Variants in HNRNPH1 observed in about 807,000 individuals in gnomAD.
HNRNPH1 encodes the protein heterogeneous nuclear ribonucleoprotein H.
A neutral mutation model predicts 58.6 loss-of-function variants in HNRNPH1; 4 were observed. The observed-to-expected ratio is 0.07, with a 90% CI of 0.03 to 0.16. The LOEUF is 0.16. HNRNPH1 is among the 10% of genes least tolerant of loss of function. HNRNPH1 has a pLI of 1.00. For synonymous variants in HNRNPH1, 192 were observed against 189.2 expected (o/e 1.01, Z -0.12); for missense variants, 271 against 564.2 (o/e 0.48, Z 5.26).
At chr5:179,619,142 A>G (rs1771149299) in intron 4 of HNRNPH1, 127 bp downstream of exon 5, 1 of 856,328 alleles carries the variant, frequency 1.2e-6, no homozygotes, top group Non-Finnish European at 1.8e-6. Flanking sequence ...ACAAGTTTGG[A>G]AATCATGGCA....
intron 11 of HNRNPH1, 134 bp downstream of exon 12, chr5:179,615,992 T>A: frequency 1.4e-6 from 1 of 717,980 alleles, no homozygotes; most frequent in Non-Finnish European, 2.5e-6. Context: ...GGAGCCTGCA[T>A]CTTCCCAACT....
At chr5:179,615,963 T>TA (rs1769359744) in intron 11 of HNRNPH1, 163 bp downstream of exon 12, 1 of 614,768 alleles carries the variant, frequency 1.6e-6, no homozygotes, top group Middle Eastern at 2.8e-4. Flanking sequence ...ATACATTTCA[T>TA]AACCCAATTT....
At chr5:179,618,368 CATT>C in intron 4 of HNRNPH1, 45 bp from the exon 6 acceptor site, 2 of 1,342,594 alleles carry the variant, frequency 1.5e-6, no homozygotes, top group Non-Finnish European at 2.1e-6. Flanking sequence ...GGAGAGAAAA[CATT>C]AGTTCATTTT....
chr5:179,618,405 A>T, intron 4 of HNRNPH1, 82 bp from the exon 6 acceptor site: 1 of 951,224 alleles, frequency 1.1e-6, no homozygotes, highest in Non-Finnish European at 1.6e-6. Flanking sequence ...GTTATACAAG[A>T]AAACAATCTA....
At chr5:179,617,805 A>T (rs1770524479) in exon 7 of HNRNPH1, 1 of 1,613,858 alleles carries the variant, frequency 6.2e-7, no homozygotes, top group Non-Finnish European at 8.5e-7. Context: ...TTACATTATA[A>T]ATGTCATTCT....
At chr5:179,616,071 TAATG>T (rs1406054729) in intron 11 of HNRNPH1, 51 bp downstream of exon 12, 5 of 1,424,634 alleles carry the variant, frequency 3.5e-6, no homozygotes, top group Admixed American at 1.7e-5. Context: ...CTAAGTACAG[TAATG>T]AACAGGCTTT....
chr5:179,615,171 C>A, intron 12 of HNRNPH1: 1 of 495,000 alleles, frequency 2.0e-6, no homozygotes, highest in Non-Finnish European at 3.6e-6. Context: ...GACTCTTGTG[C>A]TACCATTTTA....
At chr5:179,623,225 C>A (rs1174139076) in exon 1 of HNRNPH1, 5 of 883,688 alleles carry the variant, frequency 5.7e-6, no homozygotes, top group Admixed American at 4.4e-5. Context: ...GCCTCCGAGG[C>A]GCGCCCGGGC....
At chr5:179,618,770 G>GGTAA (rs1199967751) in intron 4 of HNRNPH1, 1 of 161,628 alleles carries the variant, frequency 6.2e-6, no homozygotes, top group African/African-American at 2.4e-5. Flanking sequence ...AATCAGCATA[G>GGTAA]GTAAGCGCAT....
chr5:179,616,661 CTACT>C, intron 10 of HNRNPH1: 3 of 582,152 alleles, frequency 5.2e-6, no homozygotes, highest in South Asian at 2.3e-5. Context: ...TCCCCCAAGA[CTACT>C]TAAACCTAAT....
At chr5:179,618,912 AAAC>A (rs1215323455) in intron 4 of HNRNPH1, 1 of 164,618 alleles carries the variant, frequency 6.1e-6, no homozygotes, top group African/African-American at 2.4e-5. Context: ...TCAACTTTAA[AAAC>A]AAGATCAGAA....
chr5:179,625,400 G>A (rs1018592392), upstream of HNRNPH1, among the ~76,000 whole-genome samples: 3 of 150,948 alleles, frequency 2.0e-5, no homozygotes, highest in Non-Finnish European at 4.4e-5. Flanking sequence ...GCTGAGGCAG[G>A]AGAATCACCT....
At position 179,618,342 on chromosome 5, in the gene HNRNPH1, G is replaced by A. The variant is rs1464844182; in HGVS notation, c.537-19C>T. 4 of 1,571,090 alleles carry A rather than the reference G, an allele frequency of 2.5e-6. No homozygotes were observed. The highest frequency in any genetic ancestry group is 2.7e-5 in the African/African-American group (2 of 73,452). ...AATATACCTAAAGCATTGTTCATAAGGAAGGGGTAGGGAGGGGAGAGAAAA... is the reference window on the plus strand; with the variant it reads ...AATATACCTAAAGCATTGTTCATAAAGAAGGGGTAGGGAGGGGAGAGAAAA... On this transcript the variant is annotated intron_variant, in intron 4 of 12. Coordinates refer to ENST00000356731, the Ensembl canonical transcript of HNRNPH1.
intron 3 of HNRNPH1, chr5:179,619,993 C>T (rs911525118): frequency 1.3e-5 from 2 of 152,144 alleles, no homozygotes; most frequent in Non-Finnish European, 2.9e-5. Context: ...AAATCCTTTC[C>T]GTGGATACAT....
At chr5:179,616,269 CTGGT>C in intron 10 of HNRNPH1, 51 bp from the exon 12 acceptor site, 2 of 1,379,746 alleles carry the variant, frequency 1.4e-6, no homozygotes, top group Non-Finnish European at 2.1e-6. Flanking sequence ...GATGTGGTAC[CTGGT>C]GGTACCGGGC....
chr5:179,620,783 A>C, intron 3 of HNRNPH1, 109 bp downstream of exon 4: 1 of 892,014 alleles, frequency 1.1e-6, no homozygotes, highest in South Asian at 1.6e-5. Flanking sequence ...ATTCATTGGC[A>C]ATTTACAACC....
chr5:179,622,098 C>G, intron 1 of HNRNPH1: 1 of 418,252 alleles, frequency 2.4e-6, no homozygotes, highest in South Asian at 1.7e-5. Flanking sequence ...CAAGGACATT[C>G]TGATAGAAAA....
At chr5:179,615,242 A>C in intron 12 of HNRNPH1, 1 of 427,410 alleles carries the variant, frequency 2.3e-6, no homozygotes. Context: ...GTTTTTCAAA[A>C]ATTGCAAAAT....
intron 7 of HNRNPH1, 65 bp from the exon 9 acceptor site, chr5:179,617,714 T>A: frequency 6.2e-7 from 1 of 1,603,806 alleles, no homozygotes; most frequent in South Asian, 1.1e-5. Flanking sequence ...AACCTAAAAT[T>A]TCTAACATAG....
Sources: gnomAD v4.1 joint callset for allele counts (sites outside exome capture counted in the v4.1 genomes callset) on GRCh38, gnomAD v4.1.1 for gene constraint, MANE v1.5 for transcripts, NCBI Gene and HGNC (gene_info 2026-07-23, HGNC 2026-07-21) for gene names.